Variants in WDR7 observed in about 807,000 individuals in gnomAD.
WDR7 encodes WD repeat-containing protein 7.
Under a neutral mutation model 169.4 loss-of-function variants are expected in WDR7, and 46 were observed. The observed-to-expected ratio is 0.27, with a 90% CI of 0.21 to 0.35. WDR7 has a LOEUF of 0.35. Among genes scored for constraint, WDR7 ranks in the 10% least tolerant of loss-of-function variants. The probability of loss-of-function intolerance (pLI) is 1.00; values close to 1 mark genes in which losing one functional copy is unlikely to be tolerated. For synonymous variants in WDR7, 612 were observed against 666.8 expected, an observed-to-expected ratio of 0.92 and a Z score of 1.27; for missense variants, 1,534 against 1,859.3, an observed-to-expected ratio of 0.83 and a Z score of 3.22.
chr18:56,765,816 A>G (rs752067029), intron 16 of WDR7, among the ~76,000 whole-genome samples: 2 of 151,140 alleles, frequency 1.3e-5, no homozygotes, highest in African/African-American at 4.9e-5. Flanking sequence ...CTATCTATCT[A>G]TTTATTTATT....
intron 14 of WDR7, among the ~76,000 whole-genome samples, chr18:56,736,068 C>T (rs1264842702): frequency 6.6e-6 from 1 of 152,124 alleles, no homozygotes; most frequent in Non-Finnish European, 1.5e-5. Flanking sequence ...AATTATGTTT[C>T]TATAACTTGC....
intron 13 of WDR7, among the ~76,000 whole-genome samples, chr18:56,726,326 A>C (rs1213442242): frequency 1.3e-5 from 2 of 152,084 alleles, no homozygotes; most frequent in Non-Finnish European, 2.9e-5. Context: ...CTTTGATTTC[A>C]TTGAGCAGTG....
At chr18:56,743,591 A>C (rs1391629051) in intron 14 of WDR7, among the ~76,000 whole-genome samples, 1 of 152,238 alleles carries the variant, frequency 6.6e-6, no homozygotes, top group Non-Finnish European at 1.5e-5. Context: ...TATTCTTTTT[A>C]AGAACTGTCT....
chr18:56,736,831 A>C (rs1276731908), intron 14 of WDR7, among the ~76,000 whole-genome samples: 1 of 152,066 alleles, frequency 6.6e-6, no homozygotes, highest in South Asian at 2.1e-4. Context: ...GGGATTTAAG[A>C]TCTGGGTTTA....
rs1275575920 is a variant in WDR7 at position 57,000,896 on chromosome 18, A to G, written c.4165-19849A>G. On this transcript the variant is annotated intron_variant, in intron 26 of 27. Coordinates refer to ENST00000254442, the MANE Select transcript of WDR7 (RefSeq NM_015285.3). ...TCTTTAGCTTTTCAGTTGAATATAA[A>G]TATTAGTGGACAATAAGAGATGTAA... is the stretch of plus-strand genomic sequence containing the variant. Among the ~76,000 whole-genome samples the G allele has an allele frequency of 3.3e-5, 5 of 152,250 alleles. No individual in the cohort carries two copies. The East Asian group carries it at 9.7e-4, about 29-fold the overall frequency.
chr18:56,926,741 TC>T (rs1253276901), intron 22 of WDR7, among the ~76,000 whole-genome samples: 1 of 152,114 alleles, frequency 6.6e-6, no homozygotes, highest in Non-Finnish European at 1.5e-5. Flanking sequence ...CCTTGAGGAG[TC>T]CAATGTAATT....
At chr18:56,666,304 A>G (rs1388262905) in intron 1 of WDR7, among the ~76,000 whole-genome samples, 1 of 141,634 alleles carries the variant, frequency 7.1e-6, no homozygotes, top group African/African-American at 2.6e-5. Flanking sequence ...CCCGGGTTCA[A>G]GCGATTCTCC....
chr18:56,658,278 AT>A (rs1200948715), intron 1 of WDR7, among the ~76,000 whole-genome samples: 2 of 151,830 alleles, frequency 1.3e-5, no homozygotes, highest in African/African-American at 4.8e-5. Context: ...TAATTTTTGT[AT>A]TTTTATTAGA....
chr18:56,681,481 T>A, intron 4 of WDR7, 90 bp downstream of exon 4: 2 of 801,346 alleles, frequency 2.5e-6, no homozygotes, highest in Non-Finnish European at 3.6e-6. Context: ...TATTTTTATA[T>A]GAAAAATGGT....
intron 20 of WDR7, among the ~76,000 whole-genome samples, chr18:56,856,552 A>C (rs2045724857): frequency 6.6e-6 from 1 of 151,822 alleles, no homozygotes; most frequent in South Asian, 2.1e-4. Context: ...TAAATAAATA[A>C]ATAAAAATAG....
At chr18:56,786,386 G>A (rs181250409) in intron 19 of WDR7, among the ~76,000 whole-genome samples, 6 of 152,030 alleles carry the variant, frequency 3.9e-5, no homozygotes, top group South Asian at 2.1e-4. Context: ...AAATTTAGCC[G>A]GGCATGGCTG....
chr18:57,032,822 T>TATATATATATATAC (rs2048449355), downstream of WDR7: 1 of 94,596 alleles, frequency 1.1e-5, no homozygotes, highest in African/African-American at 7.1e-5. Context: ...TATATATATA[T>TATATATATATATAC]ATATATATAT....
chr18:56,675,745 A>C lies in WDR7; in HGVS notation c.159+3071A>C, dbSNP rs575476331. Among the ~76,000 whole-genome samples, 4 of 152,032 alleles carry C rather than the reference A, an allele frequency of 2.6e-5. No homozygotes were observed. In the East Asian group the frequency reaches 7.7e-4, roughly 29 times the overall value. The stretch of plus-strand genomic sequence containing the variant: ...GATGGCACCTCCATAACAATATTGA[A>C]TAGAAGTGGCAAGAGTGGACATCCT... On this transcript the variant is annotated intron_variant, in intron 2 of 27. Coordinates refer to ENST00000254442, the MANE Select transcript of WDR7 (RefSeq NM_015285.3).
intron 20 of WDR7, among the ~76,000 whole-genome samples, chr18:56,860,870 AT>A (rs1485375237): frequency 1.3e-5 from 2 of 151,934 alleles, no homozygotes; most frequent in African/African-American, 4.8e-5. Flanking sequence ...CAATATAAAT[AT>A]TTATGAAGGA....
chr18:56,851,090 C>A (rs1391070140), intron 20 of WDR7, among the ~76,000 whole-genome samples: 1 of 148,990 alleles, frequency 6.7e-6, no homozygotes, highest in Non-Finnish European at 1.5e-5. Flanking sequence ...TCCCTGCTGC[C>A]AAAATGATCT....
chr18:56,756,943 A>G lies in WDR7; in HGVS notation c.2350A>G (p.Lys784Glu). ...AAGTGATCCTGAATATCGGTCCAGCAAATCAAAGCCATTGACCCTATTAGA... is the reference window on the plus strand; with the variant it reads ...AAGTGATCCTGAATATCGGTCCAGCGAATCAAAGCCATTGACCCTATTAGA... Reference protein sequence around the residue: ...EESDPEYRSSKSKPLTLLEYN... With the variant: ...EESDPEYRSSESKPLTLLEYN... The change falls in exon 15 of 28, where the codon AAA becomes GAA. Residue 784 changes from lysine to glutamate, a missense_variant. Coordinates refer to ENST00000254442, the MANE Select transcript of WDR7 (RefSeq NM_015285.3). 6.2e-7 allele frequency: 1 copy of G among 1,614,166 alleles called. No homozygotes were observed. The highest frequency in any genetic ancestry group is 8.5e-7 in the Non-Finnish European group (1 of 1,180,026).
intron 21 of WDR7, among the ~76,000 whole-genome samples, chr18:56,908,763 C>G (rs1359237217): frequency 6.6e-6 from 1 of 152,206 alleles, no homozygotes; most frequent in African/African-American, 2.4e-5. Flanking sequence ...ACCAGGTGGA[C>G]TGCCACCTAC....
chr18:57,000,838 ATATT>A (rs1413812763), intron 26 of WDR7, among the ~76,000 whole-genome samples: 1 of 152,150 alleles, frequency 6.6e-6, no homozygotes, highest in Non-Finnish European at 1.5e-5. Flanking sequence ...AGAGGTTTAT[ATATT>A]CTGGAATTTT....
At chr18:56,945,771 C>T (rs529813143) in intron 25 of WDR7, among the ~76,000 whole-genome samples, 4 of 152,196 alleles carry the variant, frequency 2.6e-5, no homozygotes, top group East Asian at 3.9e-4. Context: ...TAGCCTCCCC[C>T]GGTGATTCTT....
Sources: allele counts gnomAD v4.1 joint callset (sites outside exome capture counted in the v4.1 genomes callset), GRCh38; gene constraint gnomAD v4.1.1; transcripts MANE v1.5; gene names NCBI Gene and HGNC (gene_info 2026-07-23, HGNC 2026-07-21).